DRD4: variants seen among roughly 807,000 people sequenced by gnomAD.
The protein encoded by DRD4 is D(4) dopamine receptor.
DRD4 carries 26 observed loss-of-function variants against 22.1 expected under a neutral mutation model. That is an observed-to-expected ratio of 1.17 (90% CI 0.86 to 1.63). The LOEUF (loss-of-function observed/expected upper bound fraction) is 1.63. DRD4 is among the 40% of genes most tolerant of loss of function. DRD4 has a pLI of 0.00. For missense variants in DRD4, 913 were observed against 632.4 expected (o/e 1.44, Z -4.76); for synonymous variants, 455 against 306.7 (o/e 1.48, Z -5.05).
rs1284606158 is a variant in DRD4 at position 639,844 on chromosome 11, T to G, written c.595T>G (p.Cys199Gly). The change falls in exon 3 of 4, where the codon TGC becomes GGC. Residue 199 changes from cysteine (C) to glycine (G), a missense_variant. Cys to Gly is a radical substitution (Grantham distance 159, BLOSUM62 -3). Transcript: ENST00000176183. ...CGACTACGTGGTCTACTCGTCCGTG[T>G]GCTCCTTCTTCCTACCCTGCCCGCT... The part of the protein sequence containing the change: ...DRDYVVYSSV[C>G]SFFLPCPLML... The G allele has an allele frequency of 5.0e-6, 8 of 1,586,438 alleles. No homozygotes were observed. The East Asian group carries it at 6.8e-5, about 13-fold the overall frequency.
Position 639,750 on chromosome 11 carries a change from G to A in DRD4, c.501G>A (p.Ala167=), listed in dbSNP as rs372617537. 2.6e-6 allele frequency: 4 copies of A among 1,542,458 alleles called. No individual in the cohort carries two copies. In the African/African-American group the frequency reaches 4.3e-5, roughly 16 times the overall value. ...CGTGGCTGCTGTCCGCGGCGGTGGC[G>A]GCGCCCGTACTGTGCGGCCTCAACG... ...GATWLLSAAV[A]APVLCGLNDV... The change falls in exon 3 of 4, where the codon GCG becomes GCA. Residue 167 remains alanine (A), a synonymous_variant. Transcript: ENST00000176183.
Position 640,619 on chromosome 11 carries a change from A to C in DRD4, c.*16A>C, listed in dbSNP as rs1858221723. ...CTGCTGCTGAGCCGGGCACCCCCGG[A>C]CGCCCCCCGGCCTGATGGCCAGGCC... On this transcript the variant is annotated 3_prime_UTR_variant, in exon 4 of 4. Transcript: ENST00000176183. The C allele has an allele frequency of 6.3e-7, 1 of 1,598,620 alleles. No homozygotes were observed.
In DRD4 at chr11:637,569, C is replaced by A. The variant is rs755662323; in HGVS notation, c.265C>A (p.Pro89Thr). ...CCTCCTCCTCGCTCTCCTGGTGCTG[C>A]CGCTCTTCGTCTACTCCGAGGTGAG... Reference protein sequence around the residue: ...ADLLLALLVLPLFVYSEVQGG... With the variant: ...ADLLLALLVLTLFVYSEVQGG... The change falls in exon 1 of 4, where the codon CCG becomes ACG. Residue 89 changes from proline (P) to threonine (T), a missense_variant. Transcript: ENST00000176183. 2 of 1,554,772 alleles carry A rather than the reference C, an allele frequency of 1.3e-6. No homozygotes were observed. Among genetic ancestry groups the A allele is most frequent in the Non-Finnish European group, 1.7e-6 (2 of 1,154,154 alleles).
In DRD4 at chr11:640,110, G is replaced by T; in HGVS notation, c.861G>T (p.Gln287His). The T allele has an allele frequency of 7.5e-7, 1 of 1,337,900 alleles. No individual in the cohort carries two copies. Among genetic ancestry groups the T allele is most frequent in the South Asian group, 1.6e-5 (1 of 61,602 alleles). 82.9% of individuals were successfully genotyped at this position (1,337,900 alleles called of 1,614,324 possible). ...DCAPAAPSLP[Q>H]DPCGPDCAPP... ...CGCCCGCCGCGCCCAGCCTCCCCCA[G>T]GACCCCTGCGGCCCCGACTGTGCGC... Residue 287 changes from glutamine to histidine, a missense_variant, in exon 3 of 4, where the codon CAG becomes CAT. Coordinates refer to ENST00000176183, the MANE Select transcript of DRD4 (RefSeq NM_000797.4).
At position 639,753 on chromosome 11, in the gene DRD4, G is replaced by A; in HGVS notation, c.504G>A (p.Ala168=). ...GGCTGCTGTCCGCGGCGGTGGCGGC[G>A]CCCGTACTGTGCGGCCTCAACGACG... ...ATWLLSAAVA[A]PVLCGLNDVR... Residue 168 remains alanine, a synonymous_variant, in exon 3 of 4, where the codon GCG becomes GCA. Coordinates refer to ENST00000176183, the MANE Select transcript of DRD4 (RefSeq NM_000797.4). 1 of 1,556,820 alleles carries A rather than the reference G, an allele frequency of 6.4e-7. No individual in the cohort carries two copies. The highest frequency in any genetic ancestry group is 8.6e-7 in the Non-Finnish European group (1 of 1,161,276).
Position 640,538 on chromosome 11 carries a change from A to G in DRD4, c.1195A>G (p.Ile399Val). 1 of 1,600,676 alleles carries G rather than the reference A, an allele frequency of 6.2e-7. No homozygotes were observed. The highest frequency in any genetic ancestry group is 1.7e-5 in the Admixed American group (1 of 60,006). The change falls in exon 4 of 4, where the codon ATC becomes GTC. Residue 399 changes from isoleucine (I) to valine (V), a missense_variant. By Grantham distance (29) the Ile-to-Val change is conservative (BLOSUM62 3). Transcript: ENST00000176183. ...GYVNSALNPV[I>V]YTVFNAEFRN... ...CGTCAACAGCGCCCTCAACCCCGTCATCTACACTGTCTTCAACGCCGAGTT... is the reference window on the plus strand; with the variant it reads ...CGTCAACAGCGCCCTCAACCCCGTCGTCTACACTGTCTTCAACGCCGAGTT...
Position 637,292 on chromosome 11 carries a change from G to A in DRD4, c.-13G>A, listed in dbSNP as rs981231959. The A allele has an allele frequency of 1.7e-5, 20 of 1,188,014 alleles. No homozygotes were observed. In the African/African-American group the frequency reaches 2.1e-4, roughly 12 times the overall value. The allele number at this position is 1,188,014 out of a possible 1,614,324, so 73.6% of individuals were successfully genotyped here. A position where few individuals can be genotyped will look rare whatever the true frequency, so the allele number is the denominator to read the frequency against. ...GCGTTGTCCGCGGTGCTCAGCGCCC[G>A]CCCGGGCGCGCCATGGGGAACCGCA... is the stretch of plus-strand genomic sequence containing the variant. On this transcript the variant is annotated 5_prime_UTR_variant, in exon 1 of 4. Transcript: ENST00000176183.
chr11:639,594 C>T, intron 2 of DRD4, 49 bp downstream of exon 2: 3 of 1,295,726 alleles, frequency 2.3e-6, no homozygotes, highest in Non-Finnish European at 2.9e-6. Flanking sequence ...GCCCCGCCCG[C>T]CGCCCTCACC....
At chr11:639,583 CGCCCCGCCCGCCGCCCT>C (rs1385771346) in intron 2 of DRD4, 38 bp downstream of exon 2, 58 of 1,312,726 alleles carry the variant, frequency 4.4e-5, no homozygotes, top group Non-Finnish European at 5.4e-5. Flanking sequence ...GGCGCCCCCG[CGCCCCGCCCGCCGCCCT>C]CACCGCGGCC....
rs1256009425 is a variant in DRD4, at chr11:637,568, G to C, written c.264G>C (p.Leu88=). 4.5e-6 allele frequency: 7 copies of C among 1,554,638 alleles called. No homozygotes were observed. Among genetic ancestry groups the C allele is most frequent in the African/African-American group, 1.4e-5 (1 of 73,618 alleles). The change falls in exon 1 of 4, where the codon CTG becomes CTC. Residue 88 remains leucine, a synonymous_variant. Coordinates refer to ENST00000176183, the MANE Select transcript of DRD4 (RefSeq NM_000797.4). ...ACCTCCTCCTCGCTCTCCTGGTGCT[G>C]CCGCTCTTCGTCTACTCCGAGGTGA... ...AADLLLALLV[L]PLFVYSEVQG...
chr11:637,326 G>A lies in DRD4; in HGVS notation c.22G>A (p.Asp8Asn), dbSNP rs1220195801. ...CGCCATGGGGAACCGCAGCACCGCGGACGCGGACGGGCTGCTGGCTGGGCG... is the reference window on the plus strand; with the variant it reads ...CGCCATGGGGAACCGCAGCACCGCGAACGCGGACGGGCTGCTGGCTGGGCG... MGNRSTA[D>N]ADGLLAGRGP... Residue 8 changes from aspartate to asparagine, a missense_variant, in exon 1 of 4, where the codon GAC becomes AAC. Physicochemically the swap from Asp to Asn is conservative, Grantham distance 23. Transcript: ENST00000176183. The A allele has an allele frequency of 8.0e-6, 10 of 1,253,928 alleles. No individual in the cohort carries two copies. Among genetic ancestry groups the A allele is most frequent in the Non-Finnish European group, 1.0e-5 (10 of 1,003,830 alleles). The allele number at this position is 1,253,928 out of a possible 1,614,324, so 77.7% of individuals were successfully genotyped here.
At chr11:638,644 G>A (rs1489177656) in intron 1 of DRD4, among the ~76,000 whole-genome samples, 1 of 152,148 alleles carries the variant, frequency 6.6e-6, no homozygotes, top group Non-Finnish European at 1.5e-5. Flanking sequence ...ACGTGCCCGA[G>A]TCTCCCACAG....
Position 640,593 on chromosome 11 carries a change from C to T in DRD4, c.1250C>T (p.Ala417Val). The change falls in exon 4 of 4, where the codon GCC becomes GTC. Residue 417 changes from alanine (A) to valine (V), a missense_variant. Ala to Val is a moderately conservative substitution (Grantham distance 64). Coordinates refer to ENST00000176183, the MANE Select transcript of DRD4 (RefSeq NM_000797.4). ...AACGTCTTCCGCAAGGCCCTGCGTG[C>T]CTGCTGCTGAGCCGGGCACCCCCGG... is the stretch of plus-strand genomic sequence containing the variant. ...FRNVFRKALRACC is the reference protein window; with the variant it reads ...FRNVFRKALRVCC The T allele has an allele frequency of 6.3e-7, 1 of 1,599,486 alleles. No individual in the cohort carries two copies. The highest frequency in any genetic ancestry group is 2.2e-5 in the East Asian group (1 of 44,860).
Position 640,201 on chromosome 11 carries a change from G to A in DRD4, c.952G>A (p.Ala318Thr), listed in dbSNP as rs977842521. 1.1e-5 allele frequency: 17 copies of A among 1,527,384 alleles called. No homozygotes were observed. In the Admixed American group the frequency reaches 2.4e-4, roughly 21 times the overall value. 94.6% of individuals were successfully genotyped at this position (1,527,384 alleles called of 1,614,324 possible). The change falls in exon 3 of 4, where the codon GCC becomes ACC. Residue 318 changes from alanine to threonine, a missense_variant. Ala to Thr is a moderately conservative substitution (Grantham distance 58). Transcript: ENST00000176183. ...CTGTGCTCCCCCCGACGCCGTCAGA[G>A]CCGCCGCGCTCCCACCCCAGACTCC... ...SNCAPPDAVR[A>T]AALPPQTPPQ...
In DRD4 at chr11:637,361, C is replaced by CGCGGGGGCATCT. The variant is rs572586776; in HGVS notation, c.76_87dup (p.Ala26_Gly29dup). 9.3e-5 allele frequency: 122 copies of CGCGGGGGCATCT among 1,316,188 alleles called. No individual in the cohort carries two copies. Among genetic ancestry groups the CGCGGGGGCATCT allele is most frequent in the Admixed American group, 5.4e-4 (13 of 24,024 alleles). The allele number at this position is 1,316,188 out of a possible 1,614,324, so 81.5% of individuals were successfully genotyped here. On this transcript the variant is annotated inframe_insertion, in exon 1 of 4. Transcript: ENST00000176183. ...GGCTGCTGGCTGGGCGCGGGCCGGC[C>CGCGGGGGCATCT]GCGGGGGCATCTGCGGGGGCATCTG...
chr11:640,330 G>A (rs1407597315), intron 3 of DRD4, 24 bp downstream of exon 3: 6 of 1,541,810 alleles, frequency 3.9e-6, no homozygotes, highest in Middle Eastern at 2.3e-4. Context: ...CTGAGGGGCG[G>A]GGAGGAGAGG....
intron 1 of DRD4, chr11:639,146 T>G (rs1420847677): frequency 2.1e-6 from 1 of 473,294 alleles, no homozygotes; most frequent in Non-Finnish European, 3.9e-6. Flanking sequence ...TCCCAGCTAC[T>G]CTGGAGACTG....
rs370728840 is a variant in DRD4, at chr11:640,617, G to A, written c.*14G>A. 72 of 1,598,936 alleles carry A rather than the reference G, an allele frequency of 4.5e-5. No individual in the cohort carries two copies. The Middle Eastern group carries it at 1.5e-3, about 33-fold the overall frequency. On this transcript the variant is annotated 3_prime_UTR_variant, in exon 4 of 4. Coordinates refer to ENST00000176183, the MANE Select transcript of DRD4 (RefSeq NM_000797.4). ...GCCTGCTGCTGAGCCGGGCACCCCC[G>A]GACGCCCCCCGGCCTGATGGCCAGG... is the stretch of plus-strand genomic sequence containing the variant.
rs571899363 is a variant in DRD4 at position 637,491 on chromosome 11, C to G, written c.187C>G (p.Arg63Gly). 1 of 1,548,400 alleles carries G rather than the reference C, an allele frequency of 6.5e-7. No individual in the cohort carries two copies. Among genetic ancestry groups the G allele is most frequent in the Non-Finnish European group, 8.7e-7 (1 of 1,152,746 alleles). ...CGTGTGCGTGAGCGTGGCCACCGAG[C>G]GCGCCCTGCAGACGCCCACCAACTC... ...SLVCVSVATE[R>G]ALQTPTNSFI... The change falls in exon 1 of 4, where the codon CGC becomes GGC. Residue 63 changes from arginine to glycine, a missense_variant. Arg to Gly is a moderately radical substitution (Grantham distance 125). Transcript: ENST00000176183.
Sources: gnomAD v4.1 joint callset for allele counts (sites outside exome capture counted in the v4.1 genomes callset) on GRCh38, gnomAD v4.1.1 for gene constraint, MANE v1.5 for transcripts, NCBI Gene and HGNC (gene_info 2026-07-23, HGNC 2026-07-21) for gene names.